EYS: variants seen among roughly 807,000 people sequenced by gnomAD.
EYS encodes the protein EGF-like photoreceptor maintenance factor, also known as protein eyes shut homolog.
A neutral mutation model predicts 282.1 loss-of-function variants in EYS; 250 were observed. The ratio of observed to expected loss-of-function variants is 0.89; its 90% CI spans 0.80 to 0.98. The LOEUF (loss-of-function observed/expected upper bound fraction) is 0.98, where lower values mean the gene tolerates loss of function less well. EYS is among the 50% of genes least tolerant of loss of function. EYS has a pLI of 0.00. For synonymous variants in EYS, 1,355 were observed against 1,282.9 expected (o/e 1.06, Z -1.20); for missense variants, 4,016 against 3,709.0 (o/e 1.08, Z -2.15).
chr6:64,731,520 CAAA>C (rs1444967135), intron 22 of EYS, among the ~76,000 whole-genome samples: 1 of 152,094 alleles, frequency 6.6e-6, no homozygotes. Context: ...AAACACTTCT[CAAA>C]AGAAGAAATT....
At chr6:65,650,420 T>C (rs563076859) in intron 1 of EYS, among the ~76,000 whole-genome samples, 20 of 152,280 alleles carry the variant, frequency 1.3e-4, no homozygotes, top group Admixed American at 9.8e-4. Context: ...CCAGGCTGGG[T>C]TGTAACACAG....
intron 12 of EYS, among the ~76,000 whole-genome samples, chr6:65,191,952 T>A (rs935316855): frequency 1.8e-4 from 27 of 151,812 alleles, no homozygotes; most frequent in Non-Finnish European, 2.1e-4. Flanking sequence ...TTTGTACTTT[T>A]TTTTTTTTCA....
chr6:64,597,968 C>A (rs985578918), intron 24 of EYS, among the ~76,000 whole-genome samples: 3 of 152,114 alleles, frequency 2.0e-5, no homozygotes, highest in African/African-American at 7.2e-5. Flanking sequence ...ACAATGTATA[C>A]ATCCATTGAA....
At chr6:65,309,947 C>T (rs1369892515) in intron 11 of EYS, among the ~76,000 whole-genome samples, 1 of 152,186 alleles carries the variant, frequency 6.6e-6, no homozygotes, top group Admixed American at 6.5e-5. Context: ...GATCCCTGTT[C>T]AATTTTTCTT....
intron 11 of EYS, among the ~76,000 whole-genome samples, chr6:65,311,142 CG>C (rs1189419923): frequency 2.6e-5 from 4 of 151,964 alleles, no homozygotes; most frequent in African/African-American, 9.7e-5. Context: ...GGCCGAGAAG[CG>C]ATACGTATAT....
At chr6:65,110,869 G>A (rs1039834584) in intron 12 of EYS, among the ~76,000 whole-genome samples, 1 of 151,968 alleles carries the variant, frequency 6.6e-6, no homozygotes. Flanking sequence ...TTATATATTA[G>A]AAAGATAGTA....
intron 33 of EYS, among the ~76,000 whole-genome samples, chr6:64,059,281 C>A (rs1157206971): frequency 6.6e-6 from 1 of 152,128 alleles, no homozygotes; most frequent in South Asian, 2.1e-4. Context: ...TCTGTCATCT[C>A]ATCTTGGCAT....
intron 26 of EYS, among the ~76,000 whole-genome samples, chr6:64,569,294 C>A (rs900583716): frequency 6.6e-6 from 1 of 151,852 alleles, no homozygotes; most frequent in Non-Finnish European, 1.5e-5. Context: ...TAGAGAAGAA[C>A]ATAAATGACC....
chr6:65,594,499 T>C (rs1043342497), intron 2 of EYS, among the ~76,000 whole-genome samples: 3 of 151,990 alleles, frequency 2.0e-5, no homozygotes, highest in Admixed American at 6.6e-5. Flanking sequence ...GACATTTTCC[T>C]TTTTTTATAT....
chr6:63,868,986 G>A (rs1772734740), intron 35 of EYS, among the ~76,000 whole-genome samples: 1 of 152,090 alleles, frequency 6.6e-6, no homozygotes, highest in African/African-American at 2.4e-5. Context: ...CTTTTTAAAA[G>A]TAGCCAAGCA....
intron 30 of EYS, among the ~76,000 whole-genome samples, chr6:64,268,495 T>C (rs1328899471): frequency 6.6e-6 from 1 of 152,124 alleles, no homozygotes; most frequent in Non-Finnish European, 1.5e-5. Context: ...ACTATCCTGA[T>C]TGCTATGTAG....
intron 30 of EYS, among the ~76,000 whole-genome samples, chr6:64,233,260 C>T (rs961771445): frequency 6.6e-6 from 1 of 152,086 alleles, no homozygotes; most frequent in African/African-American, 2.4e-5. Flanking sequence ...AAACATTAAT[C>T]ATTTGATCTT....
At chr6:65,400,469 A>T (rs1016695049) in intron 7 of EYS, among the ~76,000 whole-genome samples, 1 of 151,700 alleles carries the variant, frequency 6.6e-6, no homozygotes, top group Admixed American at 6.6e-5. Context: ...CAGCATTGCC[A>T]CTTTTGATAC....
intron 19 of EYS, among the ~76,000 whole-genome samples, chr6:64,857,372 G>A (rs1474337726): frequency 1.3e-5 from 2 of 151,970 alleles, no homozygotes; most frequent in South Asian, 4.1e-4. Flanking sequence ...GTCTTTCTGT[G>A]CCTGGCCTAT....
chr6:63,926,277 T>C (rs1764713694), intron 35 of EYS, among the ~76,000 whole-genome samples: 1 of 152,250 alleles, frequency 6.6e-6, no homozygotes, highest in Admixed American at 6.5e-5. Flanking sequence ...ATAGAATCCC[T>C]ACCACATGCT....
chr6:65,016,276 T>C (rs76377377), intron 13 of EYS, among the ~76,000 whole-genome samples: 7,451 of 152,196 alleles, frequency 0.049, 596 homozygotes, highest in African/African-American at 0.17. Flanking sequence ...TTCAAATGTA[T>C]GGATGACTTT....
intron 12 of EYS, among the ~76,000 whole-genome samples, chr6:65,089,224 G>T (rs1231620818): frequency 6.6e-6 from 1 of 152,102 alleles, no homozygotes; most frequent in East Asian, 1.9e-4. Context: ...ACCCCAGAAT[G>T]GTAGATCCAC....
At chr6:64,416,298 C>T (rs975590328) in intron 28 of EYS, among the ~76,000 whole-genome samples, 1 of 152,094 alleles carries the variant, frequency 6.6e-6, no homozygotes, top group South Asian at 2.1e-4. Context: ...GAATAAGAAC[C>T]TAAACTCAGA....
At chr6:64,411,843 T>G (rs1001168594) in intron 28 of EYS, among the ~76,000 whole-genome samples, 3 of 96,524 alleles carry the variant, frequency 3.1e-5, no homozygotes, top group Non-Finnish European at 7.1e-5. Context: ...GATACACATA[T>G]ATGTTTGCAT....
Sources: allele counts gnomAD v4.1 joint callset (sites outside exome capture counted in the v4.1 genomes callset), GRCh38; gene constraint gnomAD v4.1.1; transcripts MANE v1.5; gene names NCBI Gene and HGNC (gene_info 2026-07-23, HGNC 2026-07-21).